Variants in TKFC observed in about 807,000 individuals in gnomAD.
TKFC encodes triokinase/FMN cyclase.
A neutral mutation model predicts 61.0 loss-of-function variants in TKFC; 46 were observed. That is an observed-to-expected ratio of 0.75 (90% CI 0.60 to 0.96). The LOEUF (loss-of-function observed/expected upper bound fraction) is 0.96. Ranked by LOEUF, TKFC falls within the 50% of genes least tolerant of loss-of-function variation. The probability of loss-of-function intolerance (pLI) is 0.00; values close to 1 mark genes in which losing one functional copy is unlikely to be tolerated. For synonymous variants in TKFC, 314 were observed against 330.1 expected (o/e 0.95, Z 0.53); for missense variants, 715 against 777.5 (o/e 0.92, Z 0.96).
intron 7 of TKFC, chr11:61,342,250 C>T: frequency 1.5e-6 from 1 of 655,838 alleles, no homozygotes; most frequent in East Asian, 2.7e-5. Flanking sequence ...GCCTGTGCTT[C>T]CTCCTTAACT....
chr11:61,352,902 G>A (rs760978290), downstream of TKFC: 3 of 1,607,930 alleles, frequency 1.9e-6, no homozygotes, highest in South Asian at 2.2e-5. Context: ...TCCCTTGGGT[G>A]AGTCCTGTGA....
chr11:61,350,076 A>T, downstream of TKFC: 2 of 539,174 alleles, frequency 3.7e-6, no homozygotes, highest in South Asian at 4.3e-5. Flanking sequence ...AGGAGTGCAG[A>T]AGCCAAAGCC....
intron 10 of TKFC, chr11:61,343,140 A>T (rs961197395): frequency 2.0e-5 from 12 of 614,968 alleles, no homozygotes; most frequent in Admixed American, 8.8e-5. Context: ...GAGACCTGTA[A>T]TTACTCATCT....
chr11:61,334,705 A>G lies in TKFC; in HGVS notation c.-24A>G. 6.2e-7 allele frequency: 1 copy of G among 1,614,050 alleles called. No homozygotes were observed. Among genetic ancestry groups the G allele is most frequent in the South Asian group, 1.1e-5 (1 of 91,048 alleles). ...CAGCTCAGTGCAACGGTGTGAACTC[A>G]GCCTGTTTCAGAGCCTCCACACCAT... On this transcript the variant is annotated 5_prime_UTR_variant, in exon 2 of 18. Coordinates refer to ENST00000394900, the MANE Select transcript of TKFC (RefSeq NM_015533.4).
At chr11:61,337,249 G>T (rs954939263) in intron 2 of TKFC, among the ~76,000 whole-genome samples, 1 of 152,162 alleles carries the variant, frequency 6.6e-6, no homozygotes, top group African/African-American at 2.4e-5. Context: ...AGGTTCAAGT[G>T]ATCCTCCCAC....
chr11:61,349,706 A>T, downstream of TKFC: 2 of 699,662 alleles, frequency 2.9e-6, no homozygotes. Flanking sequence ...TACGAAACAG[A>T]ACAGCTCAGA....
intron 11 of TKFC, 85 bp downstream of exon 11, chr11:61,343,543 T>G: frequency 7.9e-7 from 1 of 1,273,320 alleles, no homozygotes; most frequent in South Asian, 1.2e-5. Flanking sequence ...CCGTCAGGGC[T>G]GACCGTGACA....
chr11:61,339,359 T>C lies in TKFC; in HGVS notation c.410T>C (p.Ile137Thr), dbSNP rs552874545. Residue 137 changes from isoleucine (I) to threonine (T), a missense_variant, in exon 5 of 18, where the codon ATT (isoleucine) becomes ACT (threonine). By Grantham distance (89) the Ile-to-Thr change is moderately conservative. Transcript: ENST00000394900. ...AEGIPVEMVV[I>T]GDDSAFTVLK... ...GGCATCCCGGTGGAGATGGTGGTGA[T>C]TGGGGACGACAGCGCCTTCACTGTC... 74 of 1,613,646 alleles carry C rather than the reference T, an allele frequency of 4.6e-5. No individual in the cohort carries two copies. The highest frequency in any genetic ancestry group is 4.5e-5 in the Non-Finnish European group (53 of 1,180,004).
chr11:61,333,943 AG>A (rs1263963347), intron 1 of TKFC: 4 of 152,336 alleles, frequency 2.6e-5, no homozygotes, highest in African/African-American at 9.7e-5. Context: ...AAGTAGGCTG[AG>A]GCAGAGCTAT....
At chr11:61,337,886 A>G (rs1590719401) in intron 2 of TKFC, 55 bp from the exon 3 acceptor site, 2 of 1,490,908 alleles carry the variant, frequency 1.3e-6, no homozygotes, top group South Asian at 2.7e-5. Flanking sequence ...GCTGCGCAGG[A>G]TGGGGGTATC....
chr11:61,336,660 T>C (rs1283804223), intron 2 of TKFC, among the ~76,000 whole-genome samples: 1 of 152,200 alleles, frequency 6.6e-6, no homozygotes, highest in African/African-American at 2.4e-5. Context: ...GAGGCAGAAG[T>C]GGGATTTGAA....
Position 61,346,696 on chromosome 11 carries a change from C to T in TKFC, c.*193C>T, listed in dbSNP as rs1413150447. On this transcript the variant is annotated 3_prime_UTR_variant, in exon 18 of 18. Coordinates refer to ENST00000394900, the MANE Select transcript of TKFC (RefSeq NM_015533.4). This position sits in a 1 kb window ranked among gnomAD's most constrained non-coding sequence, Gnocchi z 4.1. ...GCACCCAGAGTGAGCTGGAGTGGGT[C>T]CCCATGCCTCTCCAGCATGCCCTTT... 3 of 1,380,268 alleles carry T rather than the reference C, an allele frequency of 2.2e-6. No individual in the cohort carries two copies. In the East Asian group the frequency reaches 7.8e-5, roughly 36 times the overall value. 85.5% of individuals were successfully genotyped at this position (1,380,268 alleles called of 1,614,324 possible).
chr11:61,353,174 T>G (rs1370140978), downstream of TKFC: 4 of 1,559,628 alleles, frequency 2.6e-6, no homozygotes, highest in Non-Finnish European at 2.6e-6. Context: ...CCGACTGTGC[T>G]ATGTGTGACC....
At position 61,334,694 on chromosome 11, in the gene TKFC, G is replaced by A. The variant is rs372183752; in HGVS notation, c.-35G>A. On this transcript the variant is annotated 5_prime_UTR_variant, in exon 2 of 18. Coordinates refer to ENST00000394900, the MANE Select transcript of TKFC (RefSeq NM_015533.4). ...CCATCCTCCAGCAGCTCAGTGCAAC[G>A]GTGTGAACTCAGCCTGTTTCAGAGC... 3.0e-5 allele frequency: 48 copies of A among 1,613,958 alleles called. 1 individual carries two copies. The highest frequency in any genetic ancestry group is 2.9e-4 in the South Asian group (26 of 91,040).
At chr11:61,344,354 C>T (rs1565056594) in intron 13 of TKFC, 81 bp downstream of exon 13, 2 of 1,304,754 alleles carry the variant, frequency 1.5e-6, no homozygotes, top group African/African-American at 1.7e-5. Context: ...AAGGCAGGGA[C>T]CTTCCTTTTT....
At chr11:61,343,203 A>G (rs1856950930) in intron 10 of TKFC, 139 bp from the exon 11 acceptor site, 2 of 772,412 alleles carry the variant, frequency 2.6e-6, no homozygotes, top group Non-Finnish European at 4.3e-6. Flanking sequence ...GGGGTTATTG[A>G]GGGATGCCTG....
chr11:61,352,879 C>A, downstream of TKFC: 1 of 1,581,344 alleles, frequency 6.3e-7, no homozygotes, highest in South Asian at 1.2e-5. Context: ...GGACCCAACC[C>A]CAAAATCTCT....
chr11:61,342,483 G>A lies in TKFC; in HGVS notation c.678G>A (p.Val226=), dbSNP rs540118965. 1.2e-6 allele frequency: 2 copies of A among 1,614,082 alleles called. No homozygotes were observed. The highest frequency in any genetic ancestry group is 2.7e-5 in the African/African-American group (2 of 75,050). Reference sequence around the variant, plus strand: ...CAGGGATCCACGGGGAAGCTGGTGTGCGCCGGATAAAGGTAGGTGGTCCCT... The same window carrying A: ...CAGGGATCCACGGGGAAGCTGGTGTACGCCGGATAAAGGTAGGTGGTCCCT... ...LGLGIHGEAG[V]RRIKMATADE... The change falls in exon 8 of 18, where the codon GTG becomes GTA. Residue 226 remains valine, a synonymous_variant. Transcript: ENST00000394900.
chr11:61,346,566 A>G lies in TKFC; in HGVS notation c.*63A>G. ...CTGCTGTGCTGAGGTGGCCTTTGTCACTTCCTTCTGCCTTCCAACCCTCAC... is the reference window on the plus strand; with the variant it reads ...CTGCTGTGCTGAGGTGGCCTTTGTCGCTTCCTTCTGCCTTCCAACCCTCAC... On this transcript the variant is annotated 3_prime_UTR_variant, in exon 18 of 18. Transcript: ENST00000394900. This position sits in a 1 kb window ranked among gnomAD's most constrained non-coding sequence, Gnocchi z 4.1. 1 of 1,520,934 alleles carries G rather than the reference A, an allele frequency of 6.6e-7. No individual in the cohort carries two copies. The highest frequency in any genetic ancestry group is 8.8e-7 in the Non-Finnish European group (1 of 1,137,092). 94.2% of individuals were successfully genotyped at this position (1,520,934 alleles called of 1,614,324 possible).
Sources: gnomAD v4.1 joint callset for allele counts (sites outside exome capture counted in the v4.1 genomes callset) on GRCh38, gnomAD v4.1.1 for gene constraint, Gnocchi (gnomAD v3.1) non-coding constraint, MANE v1.5 for transcripts, NCBI Gene and HGNC (gene_info 2026-07-23, HGNC 2026-07-21) for gene names.